Variants in VPS13B observed in about 807,000 individuals in gnomAD.
VPS13B encodes the protein intermembrane lipid transfer protein VPS13B.
Under a neutral mutation model 426.4 loss-of-function variants are expected in VPS13B, and 285 were observed. That is an observed-to-expected ratio of 0.67 (90% CI 0.61 to 0.74). VPS13B has a LOEUF of 0.74. Among genes scored for constraint, VPS13B ranks in the 30% least tolerant of loss-of-function variants. VPS13B has a pLI of 0.00. For synonymous variants in VPS13B, 1,676 were observed against 1,676.4 expected (o/e 1.00, Z 0.01); for missense variants, 4,537 against 4,782.6 (o/e 0.95, Z 1.51).
chr8:99,370,861 C>A (rs3134300), intron 19 of VPS13B, among the ~76,000 whole-genome samples: 2 of 151,896 alleles, frequency 1.3e-5, no homozygotes, highest in Non-Finnish European at 2.9e-5. Context: ...CCGCCCATCT[C>A]GGCCTCCCAA....
chr8:99,345,440 C>T (rs1811484910), intron 19 of VPS13B, among the ~76,000 whole-genome samples: 1 of 152,124 alleles, frequency 6.6e-6, no homozygotes, highest in Non-Finnish European at 1.5e-5. Flanking sequence ...AGTGCAACAC[C>T]AACCGTGGGC....
intron 35 of VPS13B, chr8:99,696,539 C>G (rs1169632229): frequency 2.1e-6 from 1 of 475,822 alleles, no homozygotes; most frequent in Non-Finnish European, 3.9e-6. Flanking sequence ...TCCTGCCGCC[C>G]GTGACCATGA....
At chr8:99,584,284 A>T (rs1188061669) in intron 33 of VPS13B, among the ~76,000 whole-genome samples, 1 of 152,192 alleles carries the variant, frequency 6.6e-6, no homozygotes, top group Non-Finnish European at 1.5e-5. Context: ...TTCTCCTGAT[A>T]AACAAGCTTG....
chr8:99,776,959 A>G lies in VPS13B; in HGVS notation c.7429+3A>G, dbSNP rs1811769162. The G allele has an allele frequency of 1.2e-6, 2 of 1,613,346 alleles. No individual in the cohort carries two copies. Among genetic ancestry groups the G allele is most frequent in the Non-Finnish European group, 1.7e-6 (2 of 1,179,386 alleles). ...TCACCTTGACCAACTAGGCACAGGT[A>G]CTCTTTTTTTTAGCATCAGAATAAC... On this transcript the variant is annotated splice_donor_region_variant and intron_variant, in intron 41 of 61. Coordinates refer to ENST00000357162, the MANE Select transcript of VPS13B (RefSeq NM_152564.5).
At chr8:99,538,358 A>G (rs1823372183) in intron 30 of VPS13B, among the ~76,000 whole-genome samples, 1 of 152,046 alleles carries the variant, frequency 6.6e-6, no homozygotes, top group Non-Finnish European at 1.5e-5. Context: ...TAGGTTCTTT[A>G]TTCTTTCATC....
chr8:99,824,283 G>T (rs546224126), intron 51 of VPS13B, among the ~76,000 whole-genome samples: 1 of 152,252 alleles, frequency 6.6e-6, no homozygotes, highest in South Asian at 2.1e-4. Context: ...TACAAGCAGA[G>T]ACATAGTCAT....
chr8:99,083,919 T>C (rs1371591368), intron 3 of VPS13B, among the ~76,000 whole-genome samples: 1 of 150,264 alleles, frequency 6.7e-6, no homozygotes, highest in African/African-American at 2.5e-5. Flanking sequence ...TAAAATTGTC[T>C]TTTTGTATTG....
chr8:99,480,261 T>C (rs1819965607), intron 24 of VPS13B, among the ~76,000 whole-genome samples: 1 of 152,194 alleles, frequency 6.6e-6, no homozygotes, highest in Non-Finnish European at 1.5e-5. Flanking sequence ...ACGTTTAAAG[T>C]GTGTGTCATG....
intron 19 of VPS13B, among the ~76,000 whole-genome samples, chr8:99,333,160 A>G (rs1206437280): frequency 6.6e-6 from 1 of 151,766 alleles, no homozygotes; most frequent in African/African-American, 2.4e-5. Context: ...TCTGACATTT[A>G]GAAATGTAAC....
intron 52 of VPS13B, among the ~76,000 whole-genome samples, chr8:99,833,989 C>T (rs1815232347): frequency 6.6e-6 from 1 of 152,220 alleles, no homozygotes; most frequent in Admixed American, 6.5e-5. Context: ...TCATCTATTT[C>T]CTTCCCTCAA....
chr8:99,444,019 A>C (rs144443930), intron 23 of VPS13B, among the ~76,000 whole-genome samples: 2 of 140,014 alleles, frequency 1.4e-5, no homozygotes, highest in Non-Finnish European at 3.1e-5. Flanking sequence ...TTTTTTTTTT[A>C]TTTTGTTCTA....
Position 99,489,556 on chromosome 8 carries a change from G to A in VPS13B, c.3870+7754G>A, listed in dbSNP as rs1359415995. 2.6e-5 allele frequency among the ~76,000 whole-genome samples: 4 copies of A among 152,158 alleles called. No individual in the cohort carries two copies. The East Asian group carries it at 7.7e-4, about 29-fold the overall frequency. The stretch of plus-strand genomic sequence containing the variant: ...ATGAATATAGAACGCTTTTCCATTT[G>A]TTTGTGTCCTCTTTTATTTTGTTGA... On this transcript the variant is annotated intron_variant, in intron 25 of 61. Transcript: ENST00000357162.
rs777530792 is a variant in VPS13B, at chr8:99,809,430, G to A, written c.7997G>A (p.Ser2666Asn). 5 of 1,614,024 alleles carry A rather than the reference G, an allele frequency of 3.1e-6. No homozygotes were observed. In the East Asian group the frequency reaches 1.1e-4, roughly 36 times the overall value. Residue 2666 changes from serine to asparagine, a missense_variant, in exon 44 of 62, where the codon AGT becomes AAT. Transcript: ENST00000357162. ...AACTGGCGTTGGTCAGAGCCTTTCA[G>A]TGTGGACCATGCCGGGACTTTTATT... ...WGNWRWSEPF[S>N]VDHAGTFIRT...
intron 16 of VPS13B, among the ~76,000 whole-genome samples, chr8:99,175,843 A>T (rs909260177): frequency 4.6e-5 from 7 of 152,242 alleles, no homozygotes; most frequent in Non-Finnish European, 8.8e-5. Context: ...TTCAGAGCTG[A>T]TAGAAATGTA....
intron 39 of VPS13B, among the ~76,000 whole-genome samples, chr8:99,759,202 T>C (rs1040713640): frequency 2.6e-5 from 4 of 152,108 alleles, no homozygotes; most frequent in African/African-American, 9.7e-5. Context: ...TCCACTCCAT[T>C]TAACTACTCA....
chr8:99,785,060 G>A (rs1812195934), intron 43 of VPS13B, among the ~76,000 whole-genome samples: 1 of 152,110 alleles, frequency 6.6e-6, no homozygotes, highest in African/African-American at 2.4e-5. Context: ...AGGGAGCACT[G>A]AGAAAAGACA....
intron 25 of VPS13B, among the ~76,000 whole-genome samples, chr8:99,496,635 A>G (rs535922129): frequency 1.2e-4 from 19 of 152,132 alleles, no homozygotes; most frequent in African/African-American, 4.6e-4. Context: ...TGGGCGACAC[A>G]GCAAGACTCC....
chr8:99,570,742 A>G (rs1290259055), intron 31 of VPS13B, among the ~76,000 whole-genome samples: 1 of 152,130 alleles, frequency 6.6e-6, no homozygotes, highest in African/African-American at 2.4e-5. Flanking sequence ...AGTCTGTATT[A>G]GAAGCTTATC....
intron 31 of VPS13B, among the ~76,000 whole-genome samples, chr8:99,574,038 A>T (rs189534424): frequency 6.6e-6 from 1 of 152,124 alleles, no homozygotes; most frequent in Non-Finnish European, 1.5e-5. Context: ...TTGTATTCCT[A>T]GGTATTTTTT....
Sources: allele counts gnomAD v4.1 joint callset (sites outside exome capture counted in the v4.1 genomes callset), GRCh38; gene constraint gnomAD v4.1.1; transcripts MANE v1.5; gene names NCBI Gene and HGNC (gene_info 2026-07-23, HGNC 2026-07-21).